Variants in TRPM6 observed in about 807,000 individuals in gnomAD.
TRPM6 encodes the protein channel kinase 2.
A neutral mutation model predicts 247.6 loss-of-function variants in TRPM6; 111 were observed. The ratio of observed to expected loss-of-function variants is 0.45; its 90% CI spans 0.38 to 0.52. The LOEUF (loss-of-function observed/expected upper bound fraction) is 0.52, where lower values mean the gene tolerates loss of function less well. Ranked by LOEUF, TRPM6 falls within the 20% of genes least tolerant of loss-of-function variation. The pLI is 0.00. For synonymous variants in TRPM6, 892 were observed against 853.8 expected (o/e 1.04, Z -0.78); for missense variants, 2,126 against 2,421.5 (o/e 0.88, Z 2.56).
At chr9:74,882,914 T>C (rs753367689) in intron 1 of TRPM6, among the ~76,000 whole-genome samples, 1 of 152,224 alleles carries the variant, frequency 6.6e-6, no homozygotes, top group African/African-American at 2.4e-5. Context: ...CATTTTTAAG[T>C]GTGTAGCTCA....
At chr9:74,776,384 A>T (rs1026452733) in intron 23 of TRPM6, among the ~76,000 whole-genome samples, 6 of 152,196 alleles carry the variant, frequency 3.9e-5, no homozygotes, top group Non-Finnish European at 5.9e-5. Flanking sequence ...CTCTCAAGTC[A>T]CCATCTCTTC....
chr9:74,724,742 T>C lies in TRPM6; in HGVS notation c.5940A>G (p.Leu1980=). The C allele has an allele frequency of 6.2e-7, 1 of 1,614,146 alleles. No individual in the cohort carries two copies. The highest frequency in any genetic ancestry group is 2.2e-5 in the East Asian group (1 of 44,878). Residue 1980 remains leucine (L), a synonymous_variant, in exon 39 of 39, where the codon TTA becomes TTG. Transcript: ENST00000360774. The part of the protein sequence containing the change: ...SCCRKLKLPD[L]KRNDYSPERI... ...TTTCAGGGGAATAGTCATTTCTTTT[T>C]AAATCTGCAAGGAGGACAAGTAAAA...
At chr9:74,866,232 G>T (rs924330998) in intron 1 of TRPM6, among the ~76,000 whole-genome samples, 1 of 152,180 alleles carries the variant, frequency 6.6e-6, no homozygotes, top group Non-Finnish European at 1.5e-5. Context: ...AGACAATGGA[G>T]ATTATTTGTC....
chr9:74,770,476 C>A (rs1296472355), intron 25 of TRPM6, among the ~76,000 whole-genome samples: 1 of 152,150 alleles, frequency 6.6e-6, no homozygotes, highest in African/African-American at 2.4e-5. Context: ...AGTAATAAAT[C>A]CAACAGTAAC....
At chr9:74,739,296 G>GT (rs751009903) in intron 35 of TRPM6, 71 bp downstream of exon 35, 25 of 1,342,738 alleles carry the variant, frequency 1.9e-5, no homozygotes, top group Non-Finnish European at 2.6e-5. Flanking sequence ...TTTCTCATGA[G>GT]TAATGGGCTG....
At chr9:74,761,645 C>T (rs1316796384) in intron 27 of TRPM6, 51 bp downstream of exon 27, 2 of 1,082,022 alleles carry the variant, frequency 1.8e-6, no homozygotes, top group Non-Finnish European at 2.9e-6. Flanking sequence ...CTAAGATAGG[C>T]CACTACCTTG....
At chr9:74,810,978 C>G (rs1828710758) in intron 12 of TRPM6, 110 bp from the exon 13 acceptor site, 2 of 855,228 alleles carry the variant, frequency 2.3e-6, no homozygotes, top group African/African-American at 3.3e-5. Context: ...AAATTGTGTT[C>G]AATATTTTTA....
intron 1 of TRPM6, among the ~76,000 whole-genome samples, chr9:74,872,588 G>T (rs1229437581): frequency 7.4e-6 from 1 of 135,268 alleles, no homozygotes; most frequent in African/African-American, 2.9e-5. Context: ...ACACCACCGC[G>T]CCCAGCAAAT....
At position 74,750,651 on chromosome 9, in the gene TRPM6, T is replaced by C; in HGVS notation, c.5057+13A>G. The C allele has an allele frequency of 6.2e-7, 1 of 1,612,584 alleles. No homozygotes were observed. Among genetic ancestry groups the C allele is most frequent in the Non-Finnish European group, 8.5e-7 (1 of 1,178,660 alleles). On this transcript the variant is annotated intron_variant, in intron 30 of 38. Coordinates refer to ENST00000360774, the MANE Select transcript of TRPM6 (RefSeq NM_017662.5). The stretch of plus-strand genomic sequence containing the variant: ...CCAAAGATTCTTAAACATAAACATT[T>C]AGAAATACTCACAGGGAGTTCCTAT...
At chr9:74,843,030 CT>C (rs1829995382) in intron 3 of TRPM6, among the ~76,000 whole-genome samples, 1 of 152,224 alleles carries the variant, frequency 6.6e-6, no homozygotes, top group Admixed American at 6.5e-5. Flanking sequence ...ACTTTCAAAA[CT>C]GGAGTCAATC....
intron 1 of TRPM6, chr9:74,887,505 T>G: frequency 8.7e-7 from 1 of 1,143,770 alleles, no homozygotes; most frequent in Non-Finnish European, 1.2e-6. Context: ...CCGGGGTGTT[T>G]CCCACCGCCC....
At chr9:74,861,757 G>T (rs73536135) in intron 1 of TRPM6, among the ~76,000 whole-genome samples, 3,990 of 152,174 alleles carry the variant, frequency 0.026, 196 homozygotes, top group African/African-American at 0.092. Context: ...TGGGTTAATG[G>T]TCTGGGAACT....
At position 74,840,344 on chromosome 9, in the gene TRPM6, G is replaced by C. The variant is rs1829891094; in HGVS notation, c.331-107C>G. 4 of 734,872 alleles carry C rather than the reference G, an allele frequency of 5.4e-6. No homozygotes were observed. The East Asian group carries it at 1.1e-4, about 20-fold the overall frequency. The allele number at this position is 734,872 out of a possible 1,614,324, so 45.5% of individuals were successfully genotyped here. A position where few individuals can be genotyped will look rare whatever the true frequency, so the allele number is the denominator to read the frequency against. ...CAACTGAAATGGCCAAAATCTAAAAGGAAGTATGTGGGATCTCTTTAAAGT... is the reference window on the plus strand; with the variant it reads ...CAACTGAAATGGCCAAAATCTAAAACGAAGTATGTGGGATCTCTTTAAAGT... On this transcript the variant is annotated intron_variant, in intron 4 of 38. Coordinates refer to ENST00000360774, the MANE Select transcript of TRPM6 (RefSeq NM_017662.5).
chr9:74,845,219 C>T (rs1042351496), intron 3 of TRPM6, among the ~76,000 whole-genome samples: 1 of 152,126 alleles, frequency 6.6e-6, no homozygotes, highest in African/African-American at 2.4e-5. Context: ...ATGGCACTGA[C>T]AGACTTGCTT....
chr9:74,784,930 AG>A (rs1827593429), intron 21 of TRPM6, among the ~76,000 whole-genome samples: 3 of 152,066 alleles, frequency 2.0e-5, no homozygotes, highest in African/African-American at 7.2e-5. Context: ...TGGGCAACAT[AG>A]TGGGACCCTG....
intron 3 of TRPM6, 67 bp from the exon 4 acceptor site, chr9:74,842,410 T>G: frequency 6.5e-7 from 1 of 1,532,226 alleles, no homozygotes; most frequent in Non-Finnish European, 9.0e-7. Context: ...GTCTACCTTT[T>G]TCTAAAGTAA....
intron 1 of TRPM6, among the ~76,000 whole-genome samples, chr9:74,875,841 C>G (rs1471467714): frequency 6.6e-6 from 1 of 152,060 alleles, no homozygotes; most frequent in African/African-American, 2.4e-5. Context: ...ACAGTGGTGA[C>G]AAAGGTTAGA....
chr9:74,834,456 C>CTTATTATTA (rs113274138), intron 5 of TRPM6, among the ~76,000 whole-genome samples: 3,318 of 150,074 alleles, frequency 0.022, 110 homozygotes, highest in African/African-American at 0.073. Context: ...ATTATGAATG[C>CTTATTATTA]TTATTATTAT....
At chr9:74,729,485 G>A (rs1206439117) in intron 37 of TRPM6, among the ~76,000 whole-genome samples, 1 of 152,126 alleles carries the variant, frequency 6.6e-6, no homozygotes, top group Middle Eastern at 3.2e-3. Flanking sequence ...TCTTTGCTCC[G>A]AGGCGAGTAG....
Sources: gnomAD v4.1 joint callset for allele counts (sites outside exome capture counted in the v4.1 genomes callset) on GRCh38, gnomAD v4.1.1 for gene constraint, MANE v1.5 for transcripts, NCBI Gene and HGNC (gene_info 2026-07-23, HGNC 2026-07-21) for gene names.